Variants in ZNF782 observed in about 807,000 individuals in gnomAD.
The protein encoded by ZNF782 is zinc finger protein 782.
ZNF782 carries 12 observed loss-of-function variants against 13.0 expected under a neutral mutation model. That is an observed-to-expected ratio of 0.92 (90% CI 0.59 to 1.50). The LOEUF (loss-of-function observed/expected upper bound fraction) is 1.50. Among genes scored for constraint, ZNF782 ranks in the 40% most tolerant of loss-of-function variants. ZNF782 has a pLI of 0.00. For missense variants in ZNF782, 770 were observed against 822.9 expected (o/e 0.94, Z 0.79); for synonymous variants, 284 against 283.0 (o/e 1.00, Z -0.04).
the ZNF782 span, among the ~76,000 whole-genome samples, chr9:96,912,242 G>T: frequency 6.8e-6 from 1 of 146,656 alleles, no homozygotes. Flanking sequence ...AACAGGCCAG[G>T]CGCAGTGGCT....
Position 96,819,052 on chromosome 9 carries a change from G to A in ZNF782, c.971C>T (p.Thr324Ile), listed in dbSNP as rs775240422. ...ATGAGTTCTCTGATGCACTGGGAGG[G>A]TTGAATTACGGTTGAAACTTTTTCC... ...EYGKSFNRNS[T>I]LPVHQRTHAT... The change falls in exon 6 of 6, where the codon ACC becomes ATC. Residue 324 changes from threonine to isoleucine, a missense_variant. By Grantham distance (89) the Thr-to-Ile change is moderately conservative. Transcript: ENST00000481138. The A allele has an allele frequency of 7.4e-6, 12 of 1,614,160 alleles. No individual in the cohort carries two copies. The highest frequency in any genetic ancestry group is 2.2e-5 in the South Asian group (2 of 91,084).
chr9:96,912,262 A>T, the ZNF782 span, among the ~76,000 whole-genome samples: 2 of 144,332 alleles, frequency 1.4e-5, no homozygotes, highest in Non-Finnish European at 3.0e-5. Context: ...TCACACCTGT[A>T]ATCTCAGGCC....
chr9:96,845,018 T>C lies in ZNF782; in HGVS notation c.16-2A>G, dbSNP rs1851306208. 2 of 1,613,820 alleles carry C rather than the reference T, an allele frequency of 1.2e-6. No individual in the cohort carries two copies. The highest frequency in any genetic ancestry group is 1.7e-5 in the Admixed American group (1 of 59,982). ...CACGTCCTGGAATGACACTGATGCCTGTAACAGCGCATTTCTAATTAATCT... is the reference window on the plus strand; with the variant it reads ...CACGTCCTGGAATGACACTGATGCCCGTAACAGCGCATTTCTAATTAATCT... On this transcript the variant is annotated splice_acceptor_variant, in intron 3 of 5. Transcript: ENST00000481138. LOFTEE classifies it high-confidence loss of function.
At position 96,827,103 on chromosome 9, in the gene ZNF782, CCTTT is replaced by C; in HGVS notation, c.217_220del (p.Lys73AspfsTer3). 6.2e-7 allele frequency: 1 copy of C among 1,611,626 alleles called. No individual in the cohort carries two copies. The highest frequency in any genetic ancestry group is 8.5e-7 in the Non-Finnish European group (1 of 1,178,910). On this transcript the variant is annotated frameshift_variant, in exon 5 of 6. Transcript: ENST00000481138. LOFTEE classifies it low-confidence loss of function (END_TRUNC). ...ACCTGGGGAGTTCCTGCTTAGAAAT[CCTTT>C]CTCTTTCTCTAATAACCATGGATCT... is the stretch of plus-strand genomic sequence containing the variant.
chr9:96,868,432 A>G (rs1416423444), intron 1 of ZNF782, among the ~76,000 whole-genome samples: 1 of 152,242 alleles, frequency 6.6e-6, no homozygotes. Context: ...GTTTTATTTC[A>G]GAAACGAGTT....
chr9:96,818,817 G>C lies in ZNF782; in HGVS notation c.1206C>G (p.Ala402=). 6.2e-7 allele frequency: 1 copy of C among 1,606,172 alleles called. No individual in the cohort carries two copies. ...TTCTTAGGCGTGACTTCTCACTGAA[G>C]GCTTTCCCGCACTCAGGACATTCAT... ...KPYECPECGK[A]FSEKSRLRKH... is the part of the protein sequence containing the mutation. The change falls in exon 6 of 6, where the codon GCC becomes GCG. Residue 402 remains alanine, a synonymous_variant. Coordinates refer to ENST00000481138, the MANE Select transcript of ZNF782 (RefSeq NM_001001662.3).
At chr9:96,831,263 T>C (rs1017960222) in intron 4 of ZNF782, among the ~76,000 whole-genome samples, 74 of 152,196 alleles carry the variant, frequency 4.9e-4, no homozygotes, top group Non-Finnish European at 7.1e-4. Flanking sequence ...TCTGTTGACT[T>C]GACTGTAGTG....
At chr9:96,841,001 T>C (rs564631245) in intron 4 of ZNF782, among the ~76,000 whole-genome samples, 3 of 151,850 alleles carry the variant, frequency 2.0e-5, no homozygotes, top group South Asian at 4.2e-4. Context: ...GTAAAACCTG[T>C]AGGAAGAGTG....
intron 5 of ZNF782, among the ~76,000 whole-genome samples, chr9:96,821,983 A>T (rs564086110): frequency 1.3e-5 from 2 of 152,328 alleles, no homozygotes; most frequent in South Asian, 4.1e-4. Context: ...CTTTTTAATC[A>T]ACAGCATTAA....
At chr9:96,924,766 T>C in the ZNF782 span, among the ~76,000 whole-genome samples, 2 of 152,218 alleles carry the variant, frequency 1.3e-5, no homozygotes, top group African/African-American at 2.4e-5. Context: ...CCGCAACCTT[T>C]TGCATTGTTT....
chr9:96,830,631 GAGA>G (rs1475504395), intron 4 of ZNF782, among the ~76,000 whole-genome samples: 1 of 152,152 alleles, frequency 6.6e-6, no homozygotes, highest in Non-Finnish European at 1.5e-5. Context: ...CCTGCTACAT[GAGA>G]AGATTTAAAT....
chr9:96,829,046 A>G (rs1024796676), intron 4 of ZNF782, among the ~76,000 whole-genome samples: 2 of 151,536 alleles, frequency 1.3e-5, no homozygotes, highest in Non-Finnish European at 2.9e-5. Context: ...AAAAAAATCA[A>G]CTTAAAATTT....
intron 4 of ZNF782, among the ~76,000 whole-genome samples, chr9:96,839,277 CT>C (rs201411107): frequency 3.8e-3 from 376 of 100,230 alleles, no homozygotes; most frequent in Admixed American, 7.8e-3. Flanking sequence ...TTACTTGGGA[CT>C]TTTTTTTTTT....
upstream of ZNF782, among the ~76,000 whole-genome samples, chr9:96,857,778 A>G (rs1851662153): frequency 6.6e-6 from 1 of 152,234 alleles, no homozygotes; most frequent in Admixed American, 6.5e-5. Flanking sequence ...TTTAAGAAAT[A>G]TTTTTAAAGG....
the ZNF782 span, among the ~76,000 whole-genome samples, chr9:96,884,264 G>A: frequency 6.6e-6 from 1 of 152,198 alleles, no homozygotes; most frequent in Admixed American, 6.5e-5. Flanking sequence ...ACAGTGAGCT[G>A]AGCCTTCACC....
At chr9:96,897,884 T>C in the ZNF782 span, 1 of 151,800 alleles carries the variant, frequency 6.6e-6, no homozygotes, top group South Asian at 2.1e-4. Flanking sequence ...TAAACTATTA[T>C]TACAAGCTTG....
At chr9:96,845,668 G>C (rs942374734) in intron 3 of ZNF782, among the ~76,000 whole-genome samples, 1 of 152,180 alleles carries the variant, frequency 6.6e-6, no homozygotes, top group Non-Finnish European at 1.5e-5. Context: ...AGAATAAAAA[G>C]AAACGAACAA....
the ZNF782 span, chr9:96,890,700 T>C: frequency 6.6e-6 from 1 of 152,226 alleles, no homozygotes; most frequent in African/African-American, 2.4e-5. Flanking sequence ...TTAGCCACCT[T>C]TTATCCAGGT....
chr9:96,816,328 A>G lies in ZNF782; in HGVS notation c.*1595T>C, dbSNP rs1850167408. ...GGCAAATTGTAGCTGATGTCAAAGT[A>G]GTTATAAAGCAAGGGGAACACAATT... On this transcript the variant is annotated 3_prime_UTR_variant, in exon 6 of 6. Transcript: ENST00000481138. 6.6e-6 allele frequency: 1 copy of G among 152,376 alleles called. No individual in the cohort carries two copies. Among genetic ancestry groups the G allele is most frequent in the Middle Eastern group, 3.4e-3 (1 of 294 alleles). 9.4% of individuals were successfully genotyped at this position (152,376 alleles called of 1,614,324 possible). A position where few individuals can be genotyped will look rare whatever the true frequency, so the allele number is the denominator to read the frequency against.
Sources: gnomAD v4.1 joint callset for allele counts (sites outside exome capture counted in the v4.1 genomes callset) on GRCh38, gnomAD v4.1.1 for gene constraint, MANE v1.5 for transcripts, NCBI Gene and HGNC (gene_info 2026-07-23, HGNC 2026-07-21) for gene names.